The following MYRIP variants were observed in gnomAD, a reference collection of about 807,000 sequenced individuals.
The protein encoded by MYRIP is myosin VIIA and Rab interacting protein.
Under a neutral mutation model 98.0 loss-of-function variants are expected in MYRIP, and 49 were observed. The ratio of observed to expected loss-of-function variants is 0.50; its 90% CI spans 0.40 to 0.63. The LOEUF (loss-of-function observed/expected upper bound fraction) is 0.63, where lower values mean the gene tolerates loss of function less well. Among genes scored for constraint, MYRIP ranks in the 30% least tolerant of loss-of-function variants. The pLI, the probability that MYRIP is intolerant of heterozygous loss-of-function variation, is 0.00. For missense variants in MYRIP, 1,004 were observed against 1,058.2 expected (o/e 0.95, Z 0.71); for synonymous variants, 404 against 409.5 (o/e 0.99, Z 0.16).
chr3:39,841,564 C>A (rs769104366), intron 1 of MYRIP, among the ~76,000 whole-genome samples: 2 of 152,062 alleles, frequency 1.3e-5, no homozygotes, highest in Admixed American at 6.6e-5. Flanking sequence ...AGTCTTTTTG[C>A]GCTGGTTTTC....
At chr3:39,865,840 A>G (rs1422188724) in intron 1 of MYRIP, among the ~76,000 whole-genome samples, 1 of 152,204 alleles carries the variant, frequency 6.6e-6, no homozygotes, top group Non-Finnish European at 1.5e-5. Flanking sequence ...AATGGAATAT[A>G]AATCACTCTA....
chr3:40,009,104 A>G (rs1344122764), intron 2 of MYRIP, among the ~76,000 whole-genome samples: 5 of 152,330 alleles, frequency 3.3e-5, no homozygotes, highest in African/African-American at 1.2e-4. Flanking sequence ...GACTTCCAGC[A>G]AGGTTGGGGT....
At chr3:39,984,248 T>G (rs993231676) in intron 2 of MYRIP, among the ~76,000 whole-genome samples, 2 of 152,106 alleles carry the variant, frequency 1.3e-5, no homozygotes, top group African/African-American at 4.8e-5. Flanking sequence ...TGTTATACTT[T>G]AAGTTTTAGG....
At chr3:39,915,509 G>A (rs953843830) in intron 2 of MYRIP, among the ~76,000 whole-genome samples, 7 of 151,998 alleles carry the variant, frequency 4.6e-5, no homozygotes, top group African/African-American at 1.7e-4. Flanking sequence ...TTATTTTCAT[G>A]GTGAGCTTCT....
chr3:39,885,177 A>C (rs1042278826), intron 1 of MYRIP, among the ~76,000 whole-genome samples: 3 of 150,364 alleles, frequency 2.0e-5, no homozygotes, highest in Non-Finnish European at 4.4e-5. Context: ...CTTTTTGTGA[A>C]CTCTATTTCC....
chr3:39,879,131 G>A (rs1943097215), intron 1 of MYRIP, among the ~76,000 whole-genome samples: 1 of 151,136 alleles, frequency 6.6e-6, no homozygotes, highest in African/African-American at 2.4e-5. Flanking sequence ...GAGGGAGAGA[G>A]TTTGATATGT....
chr3:39,897,336 T>C (rs1490031863), intron 1 of MYRIP, among the ~76,000 whole-genome samples: 1 of 152,248 alleles, frequency 6.6e-6, no homozygotes, highest in Admixed American at 6.5e-5. Flanking sequence ...ATTTCTCATA[T>C]TTATTTCACC....
At chr3:39,937,869 G>A (rs944764275) in intron 2 of MYRIP, among the ~76,000 whole-genome samples, 1 of 152,096 alleles carries the variant, frequency 6.6e-6, no homozygotes, top group Admixed American at 6.6e-5. Context: ...TGCTTTTGTG[G>A]AGGAAAAAGG....
intron 2 of MYRIP, among the ~76,000 whole-genome samples, chr3:40,025,713 G>C (rs2125812045): frequency 6.6e-6 from 1 of 152,138 alleles, no homozygotes; most frequent in South Asian, 2.1e-4. Context: ...ATCACATATT[G>C]GTAGGTCCAC....
At chr3:39,948,843 A>G (rs543578648) in intron 2 of MYRIP, among the ~76,000 whole-genome samples, 39 of 152,308 alleles carry the variant, frequency 2.6e-4, no homozygotes, top group African/African-American at 9.4e-4. Flanking sequence ...AAATCTACAT[A>G]TAGACTACTC....
chr3:40,058,469 C>A (rs1388839361), intron 3 of MYRIP, among the ~76,000 whole-genome samples: 1 of 152,084 alleles, frequency 6.6e-6, no homozygotes, highest in African/African-American at 2.4e-5. Context: ...AATCATCAAG[C>A]TAAGTTAATA....
At chr3:40,041,482 C>T (rs988097178) in intron 2 of MYRIP, among the ~76,000 whole-genome samples, 2 of 150,724 alleles carry the variant, frequency 1.3e-5, no homozygotes, top group Admixed American at 6.7e-5. Context: ...GTAAAACCCT[C>T]ACCTAGTCAT....
At chr3:39,864,592 A>T (rs1942569210) in intron 1 of MYRIP, among the ~76,000 whole-genome samples, 2 of 152,236 alleles carry the variant, frequency 1.3e-5, no homozygotes, top group African/African-American at 4.8e-5. Context: ...ACAGCTAACC[A>T]GGGAAGTGAA....
intron 3 of MYRIP, among the ~76,000 whole-genome samples, chr3:40,105,141 A>G (rs1410335571): frequency 1.3e-5 from 2 of 152,140 alleles, no homozygotes; most frequent in Admixed American, 1.3e-4. Flanking sequence ...AGCCTCTTCC[A>G]CCTCATCCTG....
chr3:39,849,532 G>A (rs890569143), intron 1 of MYRIP, among the ~76,000 whole-genome samples: 1 of 152,172 alleles, frequency 6.6e-6, no homozygotes, highest in African/African-American at 2.4e-5. Context: ...GATGGTGAGA[G>A]GTTCATCAGT....
At chr3:40,012,410 G>A (rs2125797308) in intron 2 of MYRIP, among the ~76,000 whole-genome samples, 1 of 152,312 alleles carries the variant, frequency 6.6e-6, no homozygotes, top group South Asian at 2.1e-4. Context: ...AGAACCCCTG[G>A]AATACTGAAG....
Position 39,898,133 on chromosome 3 carries a change from G to T in MYRIP, c.-30-2654G>T, listed in dbSNP as rs1192288892. On this transcript the variant is annotated intron_variant, in intron 1 of 16. Coordinates refer to ENST00000302541, the MANE Select transcript of MYRIP (RefSeq NM_015460.4). ...CCCTTGCCTTTGCAGTCTGTGGGTA[G>T]GATGTTACTTCTAATTGACTTAACT... is the stretch of plus-strand genomic sequence containing the variant. Among the ~76,000 whole-genome samples the T allele has an allele frequency of 2.0e-5, 3 of 152,118 alleles. No individual in the cohort carries two copies. The East Asian group carries it at 5.8e-4, about 29-fold the overall frequency.
At chr3:40,096,038 C>T (rs1007074446) in intron 3 of MYRIP, among the ~76,000 whole-genome samples, 8 of 151,830 alleles carry the variant, frequency 5.3e-5, no homozygotes, top group African/African-American at 1.9e-4. Context: ...CTCCACCATC[C>T]CCCCTCCCCC....
At chr3:39,831,216 T>A (rs926155440) in intron 1 of MYRIP, among the ~76,000 whole-genome samples, 1 of 152,150 alleles carries the variant, frequency 6.6e-6, no homozygotes, top group Non-Finnish European at 1.5e-5. Context: ...TTATTTATCT[T>A]ACCTCCTATA....
Sources: allele counts gnomAD v4.1 joint callset (sites outside exome capture counted in the v4.1 genomes callset), GRCh38; gene constraint gnomAD v4.1.1; transcripts MANE v1.5; gene names NCBI Gene and HGNC (gene_info 2026-07-23, HGNC 2026-07-21).